KDM5A: variants seen among roughly 807,000 people sequenced by gnomAD.
KDM5A encodes the protein lysine-specific demethylase 5A.
KDM5A carries 42 observed loss-of-function variants against 193.5 expected under a neutral mutation model. The observed-to-expected ratio is 0.22, with a 90% CI of 0.17 to 0.28. The LOEUF (loss-of-function observed/expected upper bound fraction) is 0.28. KDM5A is among the 10% of genes least tolerant of loss of function. KDM5A has a pLI of 1.00. For missense variants in KDM5A, 1,692 were observed against 2,055.1 expected, an observed-to-expected ratio of 0.82 and a Z score of 3.42; for synonymous variants, 796 against 718.1, an observed-to-expected ratio of 1.11 and a Z score of -1.73.
intron 13 of KDM5A, among the ~76,000 whole-genome samples, chr12:331,364 T>TGCACC (rs1212559352): frequency 1.3e-5 from 2 of 152,254 alleles, no homozygotes; most frequent in Admixed American, 1.3e-4. Flanking sequence ...AAGCCACTAT[T>TGCACC]ACTTTTGCAC....
intron 3 of KDM5A, among the ~76,000 whole-genome samples, chr12:371,725 T>A (rs543374208): frequency 6.6e-6 from 1 of 152,360 alleles, no homozygotes; most frequent in African/African-American, 2.4e-5. Context: ...CTAGGGTTTT[T>A]ATGGTTTTAG....
Position 366,367 on chromosome 12 carries a change from G to A in KDM5A, c.367-263C>T, listed in dbSNP as rs117245204. The stretch of plus-strand genomic sequence containing the variant: ...ATTTAATGAATACTCTGTACAGTAC[G>A]CACTGTGAGAAAACTAAACACATGT... On this transcript the variant is annotated intron_variant, in intron 3 of 27. Coordinates refer to ENST00000399788, the MANE Select transcript of KDM5A (RefSeq NM_001042603.3). Among the ~76,000 whole-genome samples, 1,464 of 152,148 alleles carry A rather than the reference G, an allele frequency of 9.6e-3. 7 individuals are homozygous for A. The highest frequency in any genetic ancestry group is 0.015 in the Non-Finnish European group (1,053 of 67,988).
At chr12:287,020 C>A (rs1054405831) in intron 27 of KDM5A, among the ~76,000 whole-genome samples, 5 of 152,006 alleles carry the variant, frequency 3.3e-5, no homozygotes, top group African/African-American at 1.2e-4. Context: ...ACAAGATTAC[C>A]GAGAGGATCC....
In KDM5A at chr12:365,833, C is replaced by T. The variant is rs1287913396; in HGVS notation, c.537+101G>A. 21 of 1,135,390 alleles carry T rather than the reference C, an allele frequency of 1.8e-5. 1 individual carries two copies. In the Admixed American group the frequency reaches 3.6e-4, roughly 20 times the overall value. 70.3% of individuals were successfully genotyped at this position (1,135,390 alleles called of 1,614,324 possible). On this transcript the variant is annotated intron_variant, in intron 4 of 27. Coordinates refer to ENST00000399788, the MANE Select transcript of KDM5A (RefSeq NM_001042603.3). Reference sequence around the variant, plus strand: ...CACTATGATATACACTTTGCTTCCCCAAATTTTGGTGCCTGCTAACTTGGG... The same window carrying T: ...CACTATGATATACACTTTGCTTCCCTAAATTTTGGTGCCTGCTAACTTGGG...
At position 339,380 on chromosome 12, in the gene KDM5A, A is replaced by G. The variant is rs569073308; in HGVS notation, c.1309-4958T>C. 1.1e-3 allele frequency among the ~76,000 whole-genome samples: 174 copies of G among 152,306 alleles called. 1 individual carries two copies. The highest frequency in any genetic ancestry group is 3.5e-3 in the African/African-American group (147 of 41,568). On this transcript the variant is annotated intron_variant, in intron 10 of 27. Coordinates refer to ENST00000399788, the MANE Select transcript of KDM5A (RefSeq NM_001042603.3). ...AAAATTTCATACACTTTGTCTAATTAGTCCCTAAAATCCTTTTGTCATAAA... is the reference window on the plus strand; with the variant it reads ...AAAATTTCATACACTTTGTCTAATTGGTCCCTAAAATCCTTTTGTCATAAA...
At position 318,468 on chromosome 12, in the gene KDM5A, A is replaced by C; in HGVS notation, c.2542-7T>G. 6.3e-7 allele frequency: 1 copy of C among 1,599,128 alleles called. No homozygotes were observed. Among genetic ancestry groups the C allele is most frequent in the African/African-American group, 1.3e-5 (1 of 74,780 alleles). On this transcript the variant is annotated splice_polypyrimidine_tract_variant and splice_region_variant and intron_variant, in intron 18 of 27. Coordinates refer to ENST00000399788, the MANE Select transcript of KDM5A (RefSeq NM_001042603.3). ...CCACATCATCTAGCAGATTCTGAAAAGGTCAAAAGAAATAAAAATCAGAAA... is the reference window on the plus strand; with the variant it reads ...CCACATCATCTAGCAGATTCTGAAACGGTCAAAAGAAATAAAAATCAGAAA...
intron 22 of KDM5A, among the ~76,000 whole-genome samples, chr12:309,270 A>G (rs1250003111): frequency 6.6e-6 from 1 of 152,190 alleles, no homozygotes; most frequent in East Asian, 1.9e-4. Flanking sequence ...TTTACCAAAA[A>G]CTGGATAATT....
chr12:388,852 AAAAGT>A (rs1461995582), intron 1 of KDM5A, 70 bp downstream of exon 1: 2 of 1,506,472 alleles, frequency 1.3e-6, no homozygotes, highest in African/African-American at 2.7e-5. Context: ...CAAGGATCAG[AAAAGT>A]AAAGCTAAAC....
chr12:348,756 T>C (rs1418388996), intron 10 of KDM5A, among the ~76,000 whole-genome samples: 4 of 150,806 alleles, frequency 2.7e-5, no homozygotes, highest in Non-Finnish European at 4.4e-5. Context: ...CACTGGGGCC[T>C]GTCAGGGGGT....
chr12:291,705 T>C (rs1204109079), intron 27 of KDM5A, among the ~76,000 whole-genome samples: 1 of 152,154 alleles, frequency 6.6e-6, no homozygotes, highest in Non-Finnish European at 1.5e-5. Context: ...ATGAGCATAA[T>C]AAAATTAAAA....
intron 16 of KDM5A, 136 bp from the exon 17 acceptor site, chr12:322,703 G>T: frequency 1.3e-6 from 1 of 756,666 alleles, no homozygotes; most frequent in Non-Finnish European, 2.2e-6. Flanking sequence ...ACAAACAGCT[G>T]TGAAAATCTC....
intron 10 of KDM5A, among the ~76,000 whole-genome samples, chr12:345,068 G>A (rs990606064): frequency 1.3e-5 from 2 of 151,628 alleles, no homozygotes; most frequent in African/African-American, 4.8e-5. Flanking sequence ...AGGGACGGAG[G>A]AAGATCTACC....
intron 3 of KDM5A, among the ~76,000 whole-genome samples, chr12:381,749 A>G (rs542518663): frequency 6.6e-6 from 1 of 152,268 alleles, no homozygotes; most frequent in South Asian, 2.1e-4. Context: ...ATTTTTTAGT[A>G]AGAGAATTTT....
chr12:355,532 T>C (rs1373482769), intron 6 of KDM5A, among the ~76,000 whole-genome samples: 2 of 152,258 alleles, frequency 1.3e-5, no homozygotes, highest in Non-Finnish European at 2.9e-5. Flanking sequence ...CAGTACGTAC[T>C]ACATACAACC....
At chr12:353,068 G>T (rs1038403156) in intron 8 of KDM5A, among the ~76,000 whole-genome samples, 1 of 152,144 alleles carries the variant, frequency 6.6e-6, no homozygotes, top group African/African-American at 2.4e-5. Flanking sequence ...ATCAGGGCCC[G>T]GCACAGTGGC....
In KDM5A at chr12:320,488, T is replaced by G. The variant is rs534292065; in HGVS notation, c.2541+507A>C. 9.9e-5 allele frequency among the ~76,000 whole-genome samples: 15 copies of G among 152,080 alleles called. No individual in the cohort carries two copies. In the East Asian group the frequency reaches 2.7e-3, roughly 27 times the overall value. On this transcript the variant is annotated intron_variant, in intron 18 of 27. Coordinates refer to ENST00000399788, the MANE Select transcript of KDM5A (RefSeq NM_001042603.3). ...TCCAGCCTGGGCGACAGAGCGAGAC[T>G]CCCATCTCAAAAACAAAAACAAAAA... is the stretch of plus-strand genomic sequence containing the variant.
At chr12:288,251 T>C (rs1943245969) in intron 27 of KDM5A, among the ~76,000 whole-genome samples, 3 of 152,214 alleles carry the variant, frequency 2.0e-5, no homozygotes, top group Admixed American at 6.5e-5. Flanking sequence ...TGTAGTATCC[T>C]GAAAACTCAA....
rs1462614389 is a variant in KDM5A at position 280,979 on chromosome 12, G to C, written c.*4477C>G. 4.7e-5 allele frequency: 11 copies of C among 232,790 alleles called. No individual in the cohort carries two copies. In the East Asian group the frequency reaches 6.7e-4, roughly 14 times the overall value. 14.4% of individuals were successfully genotyped at this position (232,790 alleles called of 1,614,324 possible). The stretch of plus-strand genomic sequence containing the variant: ...AAAGGTGGCTCCCATATACTCACTA[G>C]TTTTCCTCAGGATTATCAATACTCA... On this transcript the variant is annotated 3_prime_UTR_variant, in exon 28 of 28. Transcript: ENST00000399788.
chr12:326,665 T>C (rs1230831453), intron 14 of KDM5A, among the ~76,000 whole-genome samples: 2 of 151,882 alleles, frequency 1.3e-5, no homozygotes, highest in Non-Finnish European at 2.9e-5. Flanking sequence ...ATCGAGACCA[T>C]CCTGGCTAAC....
Sources: allele counts gnomAD v4.1 joint callset (sites outside exome capture counted in the v4.1 genomes callset), GRCh38; gene constraint gnomAD v4.1.1; transcripts MANE v1.5; gene names NCBI Gene and HGNC (gene_info 2026-07-23, HGNC 2026-07-21).